Variants in BNC2 observed in about 807,000 individuals in gnomAD.
BNC2 encodes the protein basonuclin zinc finger protein 2.
In BNC2, 20 loss-of-function variants were observed where a neutral mutation model predicts 76.3. The ratio of observed to expected loss-of-function variants is 0.26; its 90% confidence interval spans 0.18 to 0.38. The LOEUF (loss-of-function observed/expected upper bound fraction) is 0.38, where lower values mean the gene tolerates loss of function less well. Ranked by LOEUF, BNC2 falls within the 10% of genes least tolerant of loss-of-function variation. The pLI is 1.00. For synonymous variants in BNC2, 582 were observed against 514.8 expected, an observed-to-expected ratio of 1.13 and a Z score of -1.77; for missense variants, 1,382 against 1,399.8, an observed-to-expected ratio of 0.99 and a Z score of 0.20.
At chr9:16,556,293 A>AAAAC (rs758901046) in intron 4 of BNC2, among the ~76,000 whole-genome samples, 4 of 152,060 alleles carry the variant, frequency 2.6e-5, no homozygotes, top group Non-Finnish European at 5.9e-5. Context: ...CCTGTCTCCA[A>AAAAC]AAACAAACAA....
At chr9:16,854,789 T>C (rs1038390477) in intron 1 of BNC2, among the ~76,000 whole-genome samples, 2 of 151,660 alleles carry the variant, frequency 1.3e-5, no homozygotes, top group East Asian at 2.0e-4. Context: ...AAAGAGAAAT[T>C]TGTCTATCAC....
intron 3 of BNC2, among the ~76,000 whole-genome samples, chr9:16,604,416 C>T (rs1188801434): frequency 6.6e-6 from 1 of 152,102 alleles, no homozygotes; most frequent in East Asian, 1.9e-4. Flanking sequence ...AATATAAATC[C>T]TTTTCAATTA....
intron 3 of BNC2, among the ~76,000 whole-genome samples, chr9:16,689,774 A>C: frequency 6.6e-6 from 1 of 152,174 alleles, no homozygotes; most frequent in East Asian, 1.9e-4. Flanking sequence ...ACTCCAGCCT[A>C]ATTTCAGTGG....
chr9:16,558,695 T>G (rs28457730), intron 4 of BNC2, among the ~76,000 whole-genome samples: 16,207 of 151,806 alleles, frequency 0.11, 1,398 homozygotes, highest in African/African-American at 0.23. Flanking sequence ...CTTTGGGAGG[T>G]TGAGGCGGGC....
chr9:16,639,320 T>C (rs573389605), intron 3 of BNC2, among the ~76,000 whole-genome samples: 325 of 152,308 alleles, frequency 2.1e-3, no homozygotes, highest in African/African-American at 7.5e-3. Context: ...TATTCTAATA[T>C]TAAATTTTAG....
At chr9:16,705,385 G>C (rs1373301277) in intron 3 of BNC2, among the ~76,000 whole-genome samples, 1 of 152,156 alleles carries the variant, frequency 6.6e-6, no homozygotes, top group East Asian at 1.9e-4. Context: ...ACTGAGCACA[G>C]AGGGGCCACC....
chr9:16,660,169 T>C (rs1049866005), intron 3 of BNC2, among the ~76,000 whole-genome samples: 1 of 152,116 alleles, frequency 6.6e-6, no homozygotes, highest in Non-Finnish European at 1.5e-5. Context: ...TTACACATCT[T>C]TGGGGCCGGG....
chr9:16,479,121 G>A (rs183926578), intron 5 of BNC2, among the ~76,000 whole-genome samples: 1 of 152,088 alleles, frequency 6.6e-6, no homozygotes, highest in Admixed American at 6.5e-5. Flanking sequence ...GCGCGTTGGC[G>A]CACACCTGTA....
chr9:16,737,975 T>C (rs1377327413), intron 2 of BNC2, among the ~76,000 whole-genome samples: 1 of 152,076 alleles, frequency 6.6e-6, no homozygotes, highest in Admixed American at 6.6e-5. Flanking sequence ...TAAACTTCAG[T>C]TTTAAAAGTT....
At chr9:16,767,470 G>A (rs1457864704) in intron 1 of BNC2, among the ~76,000 whole-genome samples, 1 of 152,150 alleles carries the variant, frequency 6.6e-6, no homozygotes, top group African/African-American at 2.4e-5. Context: ...AGGCCAGGGA[G>A]GATTTTTTTT....
chr9:16,766,784 T>C (rs1197447734), intron 1 of BNC2, among the ~76,000 whole-genome samples: 2 of 152,230 alleles, frequency 1.3e-5, no homozygotes, highest in Non-Finnish European at 2.9e-5. Context: ...ATGAATTAAA[T>C]GGTTTGGGAA....
intron 5 of BNC2, among the ~76,000 whole-genome samples, chr9:16,470,933 C>T (rs892644478): frequency 1.3e-5 from 2 of 152,316 alleles, no homozygotes; most frequent in South Asian, 4.1e-4. Context: ...GGCCACCGAC[C>T]TTTAGACCCG....
chr9:16,799,440 A>C (rs1055485662), intron 1 of BNC2, among the ~76,000 whole-genome samples: 2 of 151,872 alleles, frequency 1.3e-5, no homozygotes, highest in African/African-American at 4.8e-5. Flanking sequence ...TCAGCCTCCC[A>C]AGTAGCTGGG....
chr9:16,753,186 G>A (rs148318602), intron 1 of BNC2, among the ~76,000 whole-genome samples: 1 of 152,268 alleles, frequency 6.6e-6, no homozygotes, highest in African/African-American at 2.4e-5. Context: ...TCCCAAATGT[G>A]TAAGCATAAA....
Position 16,527,836 on chromosome 9 carries a change from C to T in BNC2, c.669+24694G>A, listed in dbSNP as rs542567181. On this transcript the variant is annotated intron_variant, in intron 5 of 6. Coordinates refer to ENST00000380672, the MANE Select transcript of BNC2 (RefSeq NM_017637.6). ...GTCACCCAAATGCAACGCATCGCTA[C>T]AAATTAAGGTGGGAGAGATGAGATG... Among the ~76,000 whole-genome samples the T allele has an allele frequency of 2.0e-5, 3 of 152,282 alleles. No individual in the cohort carries two copies. In the East Asian group the frequency reaches 5.8e-4, roughly 29 times the overall value.
intron 6 of BNC2, among the ~76,000 whole-genome samples, chr9:16,424,307 A>T (rs897785604): frequency 1.2e-4 from 18 of 152,082 alleles, no homozygotes; most frequent in African/African-American, 3.4e-4. Context: ...ATTAGAAAGT[A>T]AGACTGTGGC....
rs1427579341 is a variant in BNC2 at position 16,436,079 on chromosome 9, T to G, written c.2115A>C (p.Ile705=). Residue 705 remains isoleucine (I), a synonymous_variant, in exon 6 of 7, where the codon ATA becomes ATC. Coordinates refer to ENST00000380672, the MANE Select transcript of BNC2 (RefSeq NM_017637.6). ...CAGAAGTCATGCTGTCGGCCCTCCT[T>G]ATTTCAGTCCTTGAAATGCACCGGG... ...NRTRCISRTE[I]RRADSMTSED... is the part of the protein sequence containing the mutation. 6.2e-7 allele frequency: 1 copy of G among 1,614,164 alleles called. No individual in the cohort carries two copies. Among genetic ancestry groups the G allele is most frequent in the African/African-American group, 1.3e-5 (1 of 75,028 alleles).
In BNC2 at chr9:16,437,254, T is replaced by C; in HGVS notation, c.940A>G (p.Asn314Asp). The C allele has an allele frequency of 6.2e-7, 1 of 1,614,166 alleles. No homozygotes were observed. Among genetic ancestry groups the C allele is most frequent in the Non-Finnish European group, 8.5e-7 (1 of 1,180,028 alleles). ...AGAAATGCAAGGCTGTTTGGGATGT[T>C]TTCGAAGTGATGAATGCTGGAAGGA... The part of the protein sequence containing the change: ...SNPSSIHHFE[N>D]IPNSLAFLLP... Residue 314 changes from asparagine to aspartate, a missense_variant, in exon 6 of 7, where the codon AAC (asparagine) becomes GAC (aspartate). By Grantham distance (23) the Asn-to-Asp change is conservative. This residue lies in a region of BNC2 where 557 missense variants were observed against 540.9 expected (regional missense o/e 1.03). Coordinates refer to ENST00000380672, the MANE Select transcript of BNC2 (RefSeq NM_017637.6).
intron 4 of BNC2, among the ~76,000 whole-genome samples, chr9:16,566,339 A>C (rs1226691920): frequency 6.6e-6 from 1 of 152,190 alleles, no homozygotes; most frequent in Non-Finnish European, 1.5e-5. Context: ...TGGAAGGGGT[A>C]AATGTATGAT....
Sources: gnomAD v4.1 joint callset for allele counts (sites outside exome capture counted in the v4.1 genomes callset) on GRCh38, gnomAD v4.1.1 for gene constraint, gnomAD v4.1.1 regional missense constraint, MANE v1.5 for transcripts, NCBI Gene and HGNC (gene_info 2026-07-23, HGNC 2026-07-21) for gene names.